DOCK11: variants seen among roughly 807,000 people sequenced by gnomAD.
The protein encoded by DOCK11 is dedicator of cytokinesis protein 11.
In DOCK11, 70 loss-of-function variants were observed where a neutral mutation model predicts 169.1. The ratio of observed to expected loss-of-function variants is 0.41; its 90% CI spans 0.34 to 0.51. The LOEUF (loss-of-function observed/expected upper bound fraction) is 0.51, where lower values mean the gene tolerates loss of function less well. DOCK11 is among the 20% of genes least tolerant of loss of function. DOCK11 has a pLI of 0.10. For missense variants in DOCK11, 1,166 were observed against 1,538.8 expected (o/e 0.76, Z 4.05); for synonymous variants, 529 against 541.3 (o/e 0.98, Z 0.32).
chrX:118,597,730 G>A (rs45470194), intron 21 of DOCK11, among the ~76,000 whole-genome samples, 178 bp downstream of exon 21: 7,628 of 111,522 alleles, frequency 0.068, 218 homozygotes, highest in Non-Finnish European at 0.081. Context: ...GTTTGACAAA[G>A]TAATTTTATG....
intron 37 of DOCK11, among the ~76,000 whole-genome samples, chrX:118,638,961 A>C (rs1468696995): frequency 8.9e-6 from 1 of 112,832 alleles, no homozygotes; most frequent in Non-Finnish European, 1.9e-5. Context: ...AAGTAAAACA[A>C]AGAAAAGTTT....
At chrX:118,667,074 T>C (rs1366619773) in intron 45 of DOCK11, among the ~76,000 whole-genome samples, 1 of 111,862 alleles carries the variant, frequency 8.9e-6, no homozygotes, top group Non-Finnish European at 1.9e-5. Flanking sequence ...GCTTACTTTT[T>C]ATTGTTGTTT....
intron 40 of DOCK11, among the ~76,000 whole-genome samples, chrX:118,646,904 A>C (rs776894943): frequency 6.3e-5 from 7 of 111,023 alleles, no homozygotes; most frequent in Non-Finnish European, 1.1e-4. Context: ...CTCTAGCTTC[A>C]CTCTCTGAAA....
intron 1 of DOCK11, among the ~76,000 whole-genome samples, chrX:118,530,455 T>C (rs1374809345): frequency 1.8e-5 from 2 of 112,290 alleles, no homozygotes; most frequent in Non-Finnish European, 3.8e-5. Flanking sequence ...TCACCTACAC[T>C]AGGAAACAGT....
intron 19 of DOCK11, 23 bp downstream of exon 19, chrX:118,590,325 T>C (rs1372386608): frequency 9.1e-7 from 1 of 1,095,372 alleles, no homozygotes; most frequent in Non-Finnish European, 1.3e-6. Flanking sequence ...TATCCTGACA[T>C]TTCTAAAACA....
At chrX:118,652,687 C>T (rs1359781181) in intron 42 of DOCK11, among the ~76,000 whole-genome samples, 2 of 111,939 alleles carry the variant, frequency 1.8e-5, no homozygotes, top group Non-Finnish European at 3.8e-5. Flanking sequence ...TGTAAAAATT[C>T]ATCTGTTGCT....
intron 1 of DOCK11, among the ~76,000 whole-genome samples, chrX:118,512,610 A>G (rs182556376): frequency 7.0e-4 from 78 of 112,058 alleles, no homozygotes; most frequent in African/African-American, 2.3e-3. Flanking sequence ...GATAGTTGGA[A>G]CATAGGGAAA....
At chrX:118,519,136 C>T (rs373950447) in intron 1 of DOCK11, among the ~76,000 whole-genome samples, 14 of 111,784 alleles carry the variant, frequency 1.3e-4, no homozygotes, top group Admixed American at 3.8e-4. Flanking sequence ...CTGACTTGTT[C>T]GGCATAATTA....
chrX:118,504,007 G>T (rs1194815554), intron 1 of DOCK11, among the ~76,000 whole-genome samples: 1 of 110,554 alleles, frequency 9.0e-6, no homozygotes, highest in African/African-American at 3.3e-5. Context: ...TCCTGCTCAG[G>T]TGCTCAGGAA....
intron 1 of DOCK11, among the ~76,000 whole-genome samples, chrX:118,516,004 A>AATATATATATATATAT (rs1191968312): frequency 0.019 from 839 of 44,912 alleles, 63 homozygotes; most frequent in Middle Eastern, 0.048. Flanking sequence ...GATTTGGGCA[A>AATATATATATATATAT]ATATATATAT....
chrX:118,633,652 T>C (rs2015309375), intron 35 of DOCK11: 1 of 112,193 alleles, frequency 8.9e-6, no homozygotes, highest in Non-Finnish European at 1.9e-5. Flanking sequence ...GACTAAAAGA[T>C]GGAGCTGGAA....
At chrX:118,514,131 C>T (rs776193497) in intron 1 of DOCK11, among the ~76,000 whole-genome samples, 5 of 110,000 alleles carry the variant, frequency 4.5e-5, no homozygotes, top group Non-Finnish European at 9.5e-5. Context: ...GTTTTTTAAA[C>T]GTCTGACCTT....
At chrX:118,589,047 G>C (rs1006222220) in intron 18 of DOCK11, among the ~76,000 whole-genome samples, 5 of 111,724 alleles carry the variant, frequency 4.5e-5, no homozygotes, top group Non-Finnish European at 9.4e-5. Context: ...ACCTGAAAGA[G>C]AAGTCAGAAC....
intron 10 of DOCK11, among the ~76,000 whole-genome samples, chrX:118,570,092 A>T (rs1318218843): frequency 1.8e-5 from 2 of 112,377 alleles, no homozygotes; most frequent in Admixed American, 1.9e-4. Context: ...TATGGAAGGC[A>T]GTGTCGCCTC....
intron 31 of DOCK11, among the ~76,000 whole-genome samples, chrX:118,623,910 T>G (rs769562901): frequency 8.9e-6 from 1 of 112,491 alleles, no homozygotes; most frequent in African/African-American, 3.2e-5. Flanking sequence ...AGGAAAGAAA[T>G]AAATTTGTAT....
intron 32 of DOCK11, among the ~76,000 whole-genome samples, chrX:118,625,364 C>CCAGG (rs1877350804): frequency 9.0e-6 from 1 of 110,525 alleles, no homozygotes; most frequent in African/African-American, 3.3e-5. Flanking sequence ...ACCATGTTAG[C>CCAGG]CAGGCTGGTC....
chrX:118,569,040 T>G (rs899396506), intron 10 of DOCK11, among the ~76,000 whole-genome samples: 3 of 108,929 alleles, frequency 2.8e-5, no homozygotes, highest in African/African-American at 1.0e-4. Context: ...GTTGTTGTCG[T>G]TTTTTCTTCT....
chrX:118,621,117 A>G (rs779726388), intron 31 of DOCK11, among the ~76,000 whole-genome samples: 1 of 112,891 alleles, frequency 8.9e-6, no homozygotes, highest in South Asian at 3.6e-4. Flanking sequence ...TACAGGAAAG[A>G]TTGAAATGCC....
rs1556269491 is a variant in DOCK11, at chrX:118,546,210, C to CAAAAAAAAAAAAAAAAAAAAAAAAA, written c.558+115_558+116insAAAAAAAAAAAAAAAAAAAAAAAAA. ...ATATTTATTTTACAAAGAGCCCTAGCAAAAAAAAAAAAAAAAAAAAAGGAG... is the reference window on the plus strand; with the variant it reads ...ATATTTATTTTACAAAGAGCCCTAGCAAAAAAAAAAAAAAAAAAAAAAAAAAAAAAAAAAAAAAAAAAAAAAGGAG... On this transcript the variant is annotated intron_variant, in intron 6 of 52. Coordinates refer to ENST00000276202, the MANE Select transcript of DOCK11 (RefSeq NM_144658.4). The CAAAAAAAAAAAAAAAAAAAAAAAAA allele has an allele frequency of 8.7e-5, 4 of 45,861 alleles. 1 individual carries two copies. Among genetic ancestry groups the CAAAAAAAAAAAAAAAAAAAAAAAAA allele is most frequent in the African/African-American group, 3.6e-4 (4 of 11,243 alleles). 3.8% of individuals were successfully genotyped at this position (45,861 alleles called of 1,213,427 possible).
Sources: gnomAD v4.1 joint callset for allele counts (sites outside exome capture counted in the v4.1 genomes callset) on GRCh38, gnomAD v4.1.1 for gene constraint, MANE v1.5 for transcripts, NCBI Gene and HGNC (gene_info 2026-07-23, HGNC 2026-07-21) for gene names.